Variants in LINGO2 observed in about 807,000 individuals in gnomAD.
LINGO2 encodes leucine rich repeat and Ig domain containing 2, also known as leucine-rich repeat and immunoglobulin-like domain-containing nogo receptor-interacting protein 2.
LINGO2 carries 14 observed loss-of-function variants against 30.6 expected under a neutral mutation model. That is an observed-to-expected ratio of 0.46 (90% confidence interval 0.30 to 0.72). The LOEUF is 0.72. Among genes scored for constraint, LINGO2 ranks in the 30% least tolerant of loss-of-function variants. The probability of loss-of-function intolerance (pLI) is 0.07; values close to 1 mark genes in which losing one functional copy is unlikely to be tolerated. For missense variants in LINGO2, 729 were observed against 751.7 expected, an observed-to-expected ratio of 0.97 and a Z score of 0.35; for synonymous variants, 317 against 288.5, an observed-to-expected ratio of 1.10 and a Z score of -1.00.
At chr9:28,257,261 T>C (rs1249458066) in intron 4 of LINGO2, among the ~76,000 whole-genome samples, 2 of 151,910 alleles carry the variant, frequency 1.3e-5, no homozygotes, top group African/African-American at 2.4e-5. Context: ...TCAGTGTAGA[T>C]TTAGTATAAA....
At chr9:28,863,925 A>G in the LINGO2 span, among the ~76,000 whole-genome samples, 1 of 152,128 alleles carries the variant, frequency 6.6e-6, no homozygotes, top group Admixed American at 6.6e-5. Context: ...ATATACCAGT[A>G]AATTTCATTT....
chr9:28,802,347 G>A, the LINGO2 span, among the ~76,000 whole-genome samples: 2 of 151,946 alleles, frequency 1.3e-5, no homozygotes, highest in South Asian at 4.1e-4. Flanking sequence ...ATAGATTTTT[G>A]AAAGCATGAA....
At chr9:28,565,653 G>A (rs1823339782) in intron 1 of LINGO2, among the ~76,000 whole-genome samples, 1 of 151,590 alleles carries the variant, frequency 6.6e-6, no homozygotes, top group Non-Finnish European at 1.5e-5. Context: ...CCGGGTTCAT[G>A]CCATTCTCCT....
intron 5 of LINGO2, among the ~76,000 whole-genome samples, chr9:28,005,171 G>A (rs775659988): frequency 4.6e-5 from 7 of 152,146 alleles, no homozygotes; most frequent in Non-Finnish European, 8.8e-5. Context: ...TCTACTTCCT[G>A]CACGATGTGA....
chr9:28,835,430 CA>C, the LINGO2 span, among the ~76,000 whole-genome samples: 1 of 152,144 alleles, frequency 6.6e-6, no homozygotes, highest in African/African-American at 2.4e-5. Context: ...AATGAGGCCT[CA>C]AAAGCTCTCT....
At chr9:28,679,719 A>G in the LINGO2 span, among the ~76,000 whole-genome samples, 1 of 152,076 alleles carries the variant, frequency 6.6e-6, no homozygotes, top group African/African-American at 2.4e-5. Flanking sequence ...ACATGAAAAG[A>G]AAGTGTTATA....
At chr9:28,340,419 T>A (rs1222359421) in intron 3 of LINGO2, among the ~76,000 whole-genome samples, 2 of 152,166 alleles carry the variant, frequency 1.3e-5, no homozygotes, top group Non-Finnish European at 2.9e-5. Context: ...CATTACATTC[T>A]TTCTGGATGG....
chr9:28,636,582 A>G (rs1827286647), intron 1 of LINGO2, among the ~76,000 whole-genome samples: 1 of 152,108 alleles, frequency 6.6e-6, no homozygotes, highest in South Asian at 2.1e-4. Flanking sequence ...CAGTGAGGAT[A>G]AGCATATTTT....
At chr9:28,223,932 T>C (rs1009205528) in intron 4 of LINGO2, among the ~76,000 whole-genome samples, 3 of 152,184 alleles carry the variant, frequency 2.0e-5, no homozygotes, top group Admixed American at 2.0e-4. Flanking sequence ...GGTGTGGCAA[T>C]GATAGCAAAG....
the LINGO2 span, among the ~76,000 whole-genome samples, chr9:28,871,636 C>A: frequency 6.6e-6 from 1 of 151,896 alleles, no homozygotes; most frequent in Admixed American, 6.6e-5. Context: ...CTTACATTTG[C>A]ATCTTCAAAC....
downstream of LINGO2, chr9:27,944,287 C>T (rs551490206): frequency 1.3e-5 from 2 of 152,130 alleles, no homozygotes; most frequent in Middle Eastern, 3.4e-3. Flanking sequence ...GACATATGGC[C>T]CCTGGACCCA....
chr9:28,366,339 C>G (rs1451834714), intron 3 of LINGO2, among the ~76,000 whole-genome samples: 1 of 152,184 alleles, frequency 6.6e-6, no homozygotes, highest in Non-Finnish European at 1.5e-5. Context: ...TTGAAAGACT[C>G]TACCATGGAA....
At chr9:28,409,270 A>C (rs1419343325) in intron 2 of LINGO2, among the ~76,000 whole-genome samples, 1 of 152,148 alleles carries the variant, frequency 6.6e-6, no homozygotes, top group Non-Finnish European at 1.5e-5. Flanking sequence ...ATACATTTAC[A>C]TAGAGTTCAG....
the LINGO2 span, among the ~76,000 whole-genome samples, chr9:28,787,232 G>A: frequency 6.6e-6 from 1 of 152,060 alleles, no homozygotes; most frequent in African/African-American, 2.4e-5. Context: ...AAATTCCGGA[G>A]CTTAACAATA....
In LINGO2 at chr9:28,306,097, C is replaced by T. The variant is rs182423913; in HGVS notation, c.-245-10731G>A. ...TATTTTCTACTCAAAGCTGACATGT[C>T]CTGACACGTTCAATGTAGGTTGCAC... is the stretch of plus-strand genomic sequence containing the variant. On this transcript the variant is annotated intron_variant, in intron 3 of 5. Transcript: ENST00000379992. Among the ~76,000 whole-genome samples, 211 of 152,088 alleles carry T rather than the reference C, an allele frequency of 1.4e-3. 1 individual carries two copies. The highest frequency in any genetic ancestry group is 4.9e-3 in the African/African-American group (204 of 41,556).
At chr9:28,104,266 G>GTTTTTTTTTTT (rs74180789) in intron 4 of LINGO2, among the ~76,000 whole-genome samples, 110 of 97,382 alleles carry the variant, frequency 1.1e-3, no homozygotes, top group African/African-American at 1.8e-3. Flanking sequence ...TTTTTTGTTT[G>GTTTTTTTTTTT]TTTTTTTTTT....
intron 1 of LINGO2, among the ~76,000 whole-genome samples, chr9:28,623,911 T>C (rs1826532588): frequency 6.6e-6 from 1 of 152,078 alleles, no homozygotes; most frequent in Non-Finnish European, 1.5e-5. Context: ...ATCTTTCACT[T>C]CTTTGATTAA....
At chr9:28,746,075 A>T in the LINGO2 span, among the ~76,000 whole-genome samples, 1 of 152,052 alleles carries the variant, frequency 6.6e-6, no homozygotes, top group Admixed American at 6.6e-5. Context: ...ATCTGGCTTG[A>T]AAATTTTGCT....
intron 4 of LINGO2, among the ~76,000 whole-genome samples, chr9:28,253,931 G>A (rs1488847473): frequency 6.6e-6 from 1 of 152,100 alleles, no homozygotes; most frequent in East Asian, 1.9e-4. Flanking sequence ...TCCTCTTCCT[G>A]GGTGGAACCT....
Sources: allele counts gnomAD v4.1 joint callset (sites outside exome capture counted in the v4.1 genomes callset), GRCh38; gene constraint gnomAD v4.1.1; transcripts MANE v1.5; gene names NCBI Gene and HGNC (gene_info 2026-07-23, HGNC 2026-07-21).